PRKG1: variants seen among roughly 807,000 people sequenced by gnomAD.
PRKG1 encodes cGMP-dependent protein kinase 1.
Under a neutral mutation model 88.1 loss-of-function variants are expected in PRKG1, and 35 were observed. That is an observed-to-expected ratio of 0.40 (90% CI 0.30 to 0.53). The LOEUF is 0.53. Among genes scored for constraint, PRKG1 ranks in the 20% least tolerant of loss-of-function variants. The probability of loss-of-function intolerance (pLI) is 0.59; values close to 1 mark genes in which losing one functional copy is unlikely to be tolerated. For missense variants in PRKG1, 540 were observed against 839.8 expected (o/e 0.64, Z 4.41); for synonymous variants, 303 against 292.5 (o/e 1.04, Z -0.37).
At chr10:51,582,244 C>T (rs540483458) in intron 3 of PRKG1, among the ~76,000 whole-genome samples, 5 of 152,164 alleles carry the variant, frequency 3.3e-5, no homozygotes, top group East Asian at 1.9e-4. Context: ...TTATGTAAGC[C>T]GTGCTTGTTC....
intron 3 of PRKG1, chr10:51,568,912 A>G (rs893316082): frequency 6.6e-6 from 1 of 152,072 alleles, no homozygotes; most frequent in Non-Finnish European, 1.5e-5. Context: ...TTGTAGTAAG[A>G]AGTGGTGGCT....
intron 2 of PRKG1, among the ~76,000 whole-genome samples, chr10:51,397,740 T>C (rs1240453537): frequency 6.6e-6 from 1 of 152,218 alleles, no homozygotes; most frequent in Non-Finnish European, 1.5e-5. Flanking sequence ...TTCCTTTTTA[T>C]AATAAACCTT....
chr10:51,136,383 A>G (rs1364605501), intron 1 of PRKG1, among the ~76,000 whole-genome samples: 1 of 152,028 alleles, frequency 6.6e-6, no homozygotes, highest in Non-Finnish European at 1.5e-5. Context: ...CTAGGGTGTG[A>G]GATATAGATT....
chr10:51,429,791 T>G (rs1838704363), intron 2 of PRKG1, among the ~76,000 whole-genome samples: 1 of 134,792 alleles, frequency 7.4e-6, no homozygotes, highest in Non-Finnish European at 1.6e-5. Context: ...AAGAAAAGCA[T>G]AGAAGAAAAA....
chr10:51,341,938 A>G (rs1482537701), intron 2 of PRKG1, among the ~76,000 whole-genome samples: 1 of 152,108 alleles, frequency 6.6e-6, no homozygotes, highest in East Asian at 1.9e-4. Context: ...CTTATTCACT[A>G]CCATGAGGAC....
At chr10:51,811,236 C>T (rs1839448491) in intron 4 of PRKG1, among the ~76,000 whole-genome samples, 1 of 152,064 alleles carries the variant, frequency 6.6e-6, no homozygotes, top group Non-Finnish European at 1.5e-5. Context: ...TGTTCCTTTC[C>T]ACAAAGGCAA....
At chr10:51,238,351 C>G (rs187675263) in intron 2 of PRKG1, among the ~76,000 whole-genome samples, 1 of 152,278 alleles carries the variant, frequency 6.6e-6, no homozygotes, top group Non-Finnish European at 1.5e-5. Context: ...GAGGCCGAAG[C>G]AGGCAGGTCA....
intron 2 of PRKG1, among the ~76,000 whole-genome samples, chr10:51,411,305 A>G (rs1838081184): frequency 6.6e-6 from 1 of 152,178 alleles, no homozygotes; most frequent in Non-Finnish European, 1.5e-5. Flanking sequence ...GTGGCCTACA[A>G]GTTAATTTTG....
chr10:52,088,332 TTA>T (rs1165680814), intron 7 of PRKG1, among the ~76,000 whole-genome samples: 3 of 150,142 alleles, frequency 2.0e-5, no homozygotes, highest in Non-Finnish European at 3.0e-5. Flanking sequence ...AGTATATTAT[TTA>T]TGTTTATTAA....
At chr10:51,317,277 C>T (rs1841345990) in intron 2 of PRKG1, among the ~76,000 whole-genome samples, 1 of 152,150 alleles carries the variant, frequency 6.6e-6, no homozygotes, top group Non-Finnish European at 1.5e-5. Flanking sequence ...TTACAACCTA[C>T]ATACTATAGA....
intron 7 of PRKG1, among the ~76,000 whole-genome samples, chr10:52,118,437 A>G (rs926384813): frequency 1.3e-5 from 2 of 151,962 alleles, no homozygotes; most frequent in African/African-American, 2.4e-5. Flanking sequence ...GACAATTTCA[A>G]TGTACATATA....
intron 2 of PRKG1, among the ~76,000 whole-genome samples, chr10:51,415,268 C>T (rs1275002064): frequency 6.6e-6 from 1 of 152,184 alleles, no homozygotes; most frequent in Non-Finnish European, 1.5e-5. Flanking sequence ...ATAATCTAAC[C>T]TCTTTAATAT....
At chr10:51,032,497 A>T (rs1038187106) in intron 1 of PRKG1, among the ~76,000 whole-genome samples, 3 of 152,238 alleles carry the variant, frequency 2.0e-5, no homozygotes, top group Non-Finnish European at 4.4e-5. Flanking sequence ...GGTGGCTCAC[A>T]CCTGTAATCC....
intron 8 of PRKG1, among the ~76,000 whole-genome samples, chr10:52,137,165 G>A (rs1435652110): frequency 2.0e-5 from 3 of 152,028 alleles, no homozygotes; most frequent in Admixed American, 6.6e-5. Flanking sequence ...TGTTCCGTAA[G>A]CCAGTGATTA....
At chr10:51,829,641 C>G (rs1839956683) in intron 4 of PRKG1, among the ~76,000 whole-genome samples, 1 of 152,158 alleles carries the variant, frequency 6.6e-6, no homozygotes, top group Non-Finnish European at 1.5e-5. Flanking sequence ...GTCTAAAGGA[C>G]TATGACATCT....
intron 4 of PRKG1, among the ~76,000 whole-genome samples, chr10:51,814,583 AT>A (rs1839539045): frequency 6.6e-6 from 1 of 152,152 alleles, no homozygotes; most frequent in Non-Finnish European, 1.5e-5. Flanking sequence ...TTGAAGGGAA[AT>A]ATTGGGAAGA....
intron 12 of PRKG1, among the ~76,000 whole-genome samples, chr10:52,273,059 A>G (rs2132435136): frequency 6.6e-6 from 1 of 152,186 alleles, no homozygotes; most frequent in Middle Eastern, 3.4e-3. Flanking sequence ...TATCTGATTT[A>G]GATTTACCTT....
In PRKG1 at chr10:52,183,760, G is replaced by T. The variant is rs143647847; in HGVS notation, c.1076+21797G>T. On this transcript the variant is annotated intron_variant, in intron 9 of 17. Transcript: ENST00000373980. Reference sequence around the variant, plus strand: ...CTTGGCTTACAAAGCCTGGGTGGGGGTGAGGGAGTGCGCATGTTGTGTTCC... The same window carrying T: ...CTTGGCTTACAAAGCCTGGGTGGGGTTGAGGGAGTGCGCATGTTGTGTTCC... Among the ~76,000 whole-genome samples the T allele has an allele frequency of 3.2e-3, 495 of 152,322 alleles. 3 individuals carry two copies. The highest frequency in any genetic ancestry group is 0.012 in the African/African-American group (479 of 41,568).
chr10:51,806,595 T>C (rs759591920), intron 4 of PRKG1, among the ~76,000 whole-genome samples: 1 of 152,176 alleles, frequency 6.6e-6, no homozygotes, highest in Non-Finnish European at 1.5e-5. Context: ...TTTGTGAACA[T>C]AGGACTGGGC....
Sources: allele counts gnomAD v4.1 joint callset (sites outside exome capture counted in the v4.1 genomes callset), GRCh38; gene constraint gnomAD v4.1.1; transcripts MANE v1.5; gene names NCBI Gene and HGNC (gene_info 2026-07-23, HGNC 2026-07-21).